CXADR: variants seen among roughly 807,000 people sequenced by gnomAD.
The protein encoded by CXADR is coxsackievirus and adenovirus receptor.
In CXADR, 20 loss-of-function variants were observed where a neutral mutation model predicts 40.3. The ratio of observed to expected loss-of-function variants is 0.50; its 90% CI spans 0.35 to 0.72. CXADR has a LOEUF of 0.72. Among genes scored for constraint, CXADR ranks in the 30% least tolerant of loss-of-function variants. The probability of loss-of-function intolerance (pLI) is 0.01; values close to 1 mark genes in which losing one functional copy is unlikely to be tolerated. For synonymous variants in CXADR, 150 were observed against 161.3 expected, an observed-to-expected ratio of 0.93 and a Z score of 0.53; for missense variants, 332 against 449.1, an observed-to-expected ratio of 0.74 and a Z score of 2.36.
At chr21:17,577,612 CTTTTTTTTTTTTTTTTT>C (rs532541050) in intron 7 of CXADR, among the ~76,000 whole-genome samples, 44 of 36,578 alleles carry the variant, frequency 1.2e-3, no homozygotes, top group African/African-American at 3.7e-3. Flanking sequence ...ATTCTGCAAG[CTTTTTTTTTTTTTTTTT>C]TTTTTTTTTT....
At chr21:17,533,608 T>A (rs751665293) in intron 1 of CXADR, among the ~76,000 whole-genome samples, 6 of 152,182 alleles carry the variant, frequency 3.9e-5, no homozygotes, top group Non-Finnish European at 7.3e-5. Flanking sequence ...ACCTTTTTCT[T>A]GGAGTTGTTA....
downstream of CXADR, among the ~76,000 whole-genome samples, chr21:17,572,207 CAAAAA>C (rs71333561): frequency 2.8e-5 from 4 of 141,328 alleles, no homozygotes; most frequent in Middle Eastern, 3.5e-3. Flanking sequence ...ACTAAAAATA[CAAAAA>C]AAAAAAAAAT....
At chr21:17,550,798 A>G (rs921433547) in intron 2 of CXADR, among the ~76,000 whole-genome samples, 1 of 152,332 alleles carries the variant, frequency 6.6e-6, no homozygotes. Flanking sequence ...TTCAAAGGCT[A>G]TGTGTGGTTC....
At chr21:17,620,518 G>A in the CXADR span, among the ~76,000 whole-genome samples, 4 of 152,144 alleles carry the variant, frequency 2.6e-5, no homozygotes, top group South Asian at 2.1e-4. Context: ...TTGAAGTATT[G>A]TGAGAATTAC....
the CXADR span, among the ~76,000 whole-genome samples, chr21:17,606,154 C>T: frequency 2.0e-5 from 3 of 152,080 alleles, no homozygotes; most frequent in Admixed American, 1.3e-4. Context: ...TTCCTAAATG[C>T]TTTGCATGTA....
chr21:17,574,091 C>T (rs1051718247), downstream of CXADR, among the ~76,000 whole-genome samples: 3 of 152,128 alleles, frequency 2.0e-5, no homozygotes, highest in African/African-American at 7.2e-5. Flanking sequence ...TATTAATGAA[C>T]CTGAAATAGT....
intron 7 of CXADR, among the ~76,000 whole-genome samples, chr21:17,584,704 A>ACG (rs2061382806): frequency 6.6e-6 from 1 of 152,098 alleles, no homozygotes; most frequent in African/African-American, 2.4e-5. Flanking sequence ...GGTGGCGGGC[A>ACG]CCTGTAATCC....
chr21:17,530,446 T>C (rs960293825), intron 1 of CXADR: 2 of 455,946 alleles, frequency 4.4e-6, no homozygotes, highest in African/African-American at 2.0e-5. Context: ...TATTCTATTA[T>C]GTGACTGTAT....
At chr21:17,605,387 C>T in the CXADR span, among the ~76,000 whole-genome samples, 4 of 152,170 alleles carry the variant, frequency 2.6e-5, no homozygotes, top group Non-Finnish European at 4.4e-5. Context: ...TCTAATGTTT[C>T]AGATGGTATT....
chr21:17,545,039 T>G (rs2123236462), intron 1 of CXADR, among the ~76,000 whole-genome samples: 1 of 151,090 alleles, frequency 6.6e-6, no homozygotes, highest in African/African-American at 2.4e-5. Context: ...ATTAGGACTT[T>G]GGATTGATTT....
intron 1 of CXADR, among the ~76,000 whole-genome samples, chr21:17,534,389 C>A (rs2123186331): frequency 6.6e-6 from 1 of 152,128 alleles, no homozygotes; most frequent in Non-Finnish European, 1.5e-5. Context: ...GCCACGGCAC[C>A]CGGCCTTAGC....
intron 1 of CXADR, among the ~76,000 whole-genome samples, chr21:17,525,082 GGTAA>G (rs1271933706): frequency 6.6e-6 from 1 of 152,080 alleles, no homozygotes; most frequent in African/African-American, 2.4e-5. Context: ...ATATTTTTAG[GGTAA>G]GTGTGAGATC....
chr21:17,522,244 G>A (rs1395960574), intron 1 of CXADR, among the ~76,000 whole-genome samples: 1 of 151,936 alleles, frequency 6.6e-6, no homozygotes, highest in Non-Finnish European at 1.5e-5. Context: ...TGCCTCCCGG[G>A]TTCAAGTGAT....
rs931785688 is a variant in CXADR, at chr21:17,588,520, A to G, written c.1018-4632A>G. ...AATTGTGAATGGGAGTTCACTCATG[A>G]TTTGGCTCTCTGTTTGTCTGTTATT... On this transcript the variant is annotated intron_variant, in intron 7 of 7. Coordinates refer to the CXADR transcript ENST00000400169. Among the ~76,000 whole-genome samples the G allele has an allele frequency of 1.2e-4, 18 of 152,214 alleles. No individual in the cohort carries two copies. In the East Asian group the frequency reaches 2.1e-3, roughly 18 times the overall value.
At chr21:17,539,271 G>A (rs1424873745) in intron 1 of CXADR, among the ~76,000 whole-genome samples, 1 of 152,160 alleles carries the variant, frequency 6.6e-6, no homozygotes. Context: ...AAGTATGTGG[G>A]TTGAATTATA....
chr21:17,621,896 T>G, the CXADR span, among the ~76,000 whole-genome samples: 1 of 152,218 alleles, frequency 6.6e-6, no homozygotes, highest in South Asian at 2.1e-4. Flanking sequence ...ACAAGTTGTA[T>G]TATGAATTAA....
intron 1 of CXADR, among the ~76,000 whole-genome samples, chr21:17,520,203 G>C (rs142270358): frequency 5.1e-4 from 77 of 152,214 alleles, no homozygotes; most frequent in African/African-American, 1.8e-3. Flanking sequence ...CCATGTGCCA[G>C]GTGCCCCTAC....
chr21:17,560,331 G>A (rs1426828016), intron 4 of CXADR, among the ~76,000 whole-genome samples: 3 of 152,106 alleles, frequency 2.0e-5, no homozygotes, highest in Non-Finnish European at 4.4e-5. Flanking sequence ...CTTCCATCTA[G>A]GGGGGAATAA....
the CXADR span, chr21:17,605,098 A>T: frequency 7.7e-7 from 1 of 1,300,164 alleles, no homozygotes. Context: ...AAATAGTAAT[A>T]AAAAAATACC....
Sources: gnomAD v4.1 joint callset for allele counts (sites outside exome capture counted in the v4.1 genomes callset) on GRCh38, gnomAD v4.1.1 for gene constraint, MANE v1.5 for transcripts, NCBI Gene and HGNC (gene_info 2026-07-23, HGNC 2026-07-21) for gene names.